Variants in ZNF600 observed in about 807,000 individuals in gnomAD.
ZNF600 encodes the protein zinc finger protein 600, also known as zinc finger protein KR-ZNF1.
Under a neutral mutation model 7.3 loss-of-function variants are expected in ZNF600, and 4 were observed. The observed-to-expected ratio is 0.55, with a 90% confidence interval of 0.27 to 1.25. The LOEUF (loss-of-function observed/expected upper bound fraction) is 1.25. Ranked by LOEUF, ZNF600 falls within the 50% of genes most tolerant of loss-of-function variation. The probability of loss-of-function intolerance (pLI) is 0.12; values close to 1 mark genes in which losing one functional copy is unlikely to be tolerated. For synonymous variants in ZNF600, 290 were observed against 308.9 expected, an observed-to-expected ratio of 0.94 and a Z score of 0.64; for missense variants, 911 against 922.1, an observed-to-expected ratio of 0.99 and a Z score of 0.16.
the ZNF600 span, among the ~76,000 whole-genome samples, chr19:52,792,832 A>C: frequency 6.6e-6 from 1 of 151,274 alleles, no homozygotes; most frequent in Non-Finnish European, 1.5e-5. Flanking sequence ...TCCCAGCTTC[A>C]TGCCATTCTC....
the ZNF600 span, among the ~76,000 whole-genome samples, chr19:52,795,350 T>C: frequency 6.6e-6 from 1 of 152,224 alleles, no homozygotes; most frequent in Admixed American, 6.5e-5. Context: ...TACCAGAAAA[T>C]GTTTCCAATA....
chr19:52,808,228 A>G, the ZNF600 span: 2 of 1,555,534 alleles, frequency 1.3e-6, no homozygotes, highest in Non-Finnish European at 1.7e-6. Flanking sequence ...ATTTAGTTGT[A>G]GTGAATGTTC....
chr19:52,822,838 C>T, the ZNF600 span, among the ~76,000 whole-genome samples: 6 of 152,084 alleles, frequency 3.9e-5, no homozygotes, highest in Non-Finnish European at 7.4e-5. Context: ...CAGAAACTGA[C>T]GTCAGCAGTA....
chr19:52,766,705 TTC>T lies in ZNF600; in HGVS notation c.1256_1257del (p.Arg419AsnfsTer11), dbSNP rs1401345419. 6.2e-7 allele frequency: 1 copy of T among 1,612,426 alleles called. No individual in the cohort carries two copies. Among genetic ancestry groups the T allele is most frequent in the Non-Finnish European group, 8.5e-7 (1 of 1,179,574 alleles). ...TTGTAAGTTTTCTCTCCAGTGTGAA[TTC>T]TTTTATGTCTTGCCAGCTGAGAATT... On this transcript the variant is annotated frameshift_variant, in exon 4 of 4. Coordinates refer to ENST00000648973, the Ensembl canonical transcript of ZNF600. LOFTEE classifies it low-confidence loss of function (END_TRUNC).
At chr19:52,770,469 A>C (rs2062621927) in intron 3 of ZNF600, among the ~76,000 whole-genome samples, 1 of 152,216 alleles carries the variant, frequency 6.6e-6, no homozygotes, top group Non-Finnish European at 1.5e-5. Flanking sequence ...ATTGACTAAT[A>C]GTGTAGAAAA....
exon 4 of ZNF600, chr19:52,764,744 C>A (rs2062555179): frequency 6.5e-6 from 1 of 154,656 alleles, no homozygotes; most frequent in African/African-American, 2.4e-5. Context: ...GTCTCGATCT[C>A]CTGACCTTGT....
chr19:52,789,898 C>A (rs1335958949), upstream of ZNF600, among the ~76,000 whole-genome samples: 2 of 151,374 alleles, frequency 1.3e-5, no homozygotes, highest in Admixed American at 6.6e-5. Context: ...GGGGTGGGGC[C>A]GTTTTATAAG....
At chr19:52,810,492 C>T in the ZNF600 span, 11 of 1,584,520 alleles carry the variant, frequency 6.9e-6, no homozygotes, top group South Asian at 9.9e-5. Context: ...TTGGATGAGT[C>T]CCTATTTAGA....
At chr19:52,809,032 G>C in the ZNF600 span, among the ~76,000 whole-genome samples, 1 of 152,190 alleles carries the variant, frequency 6.6e-6, no homozygotes, top group Non-Finnish European at 1.5e-5. Flanking sequence ...GTGCATGTGT[G>C]TGGGGATATA....
At chr19:52,790,872 G>C (rs968329980), upstream of ZNF600, among the ~76,000 whole-genome samples, 1 of 151,788 alleles carries the variant, frequency 6.6e-6, no homozygotes, top group Non-Finnish European at 1.5e-5. Flanking sequence ...GTAGAGATGA[G>C]GTTTCACCAT....
At chr19:52,792,772 G>A in the ZNF600 span, among the ~76,000 whole-genome samples, 9 of 151,038 alleles carry the variant, frequency 6.0e-5, no homozygotes, top group Non-Finnish European at 1.0e-4. Context: ...TCACTCTGTC[G>A]CCCAGGCTGG....
At chr19:52,811,407 G>T in the ZNF600 span, among the ~76,000 whole-genome samples, 10 of 147,006 alleles carry the variant, frequency 6.8e-5, 3 homozygotes, top group African/African-American at 2.4e-4. Flanking sequence ...GGAAAGTGAG[G>T]AGCGTCTCTG....
the ZNF600 span, chr19:52,810,593 C>T: frequency 7.1e-6 from 11 of 1,558,588 alleles, no homozygotes; most frequent in East Asian, 1.1e-4. Flanking sequence ...CTACCGCGCC[C>T]GACCACCAAC....
chr19:52,810,793 A>T, the ZNF600 span: 2 of 470,628 alleles, frequency 4.2e-6, no homozygotes, highest in East Asian at 7.1e-5. Context: ...AAAAAACAGA[A>T]GATGACCTTG....
the ZNF600 span, among the ~76,000 whole-genome samples, chr19:52,792,477 C>A: frequency 6.6e-6 from 1 of 152,076 alleles, no homozygotes; most frequent in Non-Finnish European, 1.5e-5. Flanking sequence ...AATCCCAGCA[C>A]TGTGGGAGGC....
chr19:52,828,340 C>T, the ZNF600 span, among the ~76,000 whole-genome samples: 1 of 152,132 alleles, frequency 6.6e-6, no homozygotes, highest in African/African-American at 2.4e-5. Context: ...GCATGAGGCA[C>T]TGCACCCGGT....
chr19:52,820,548 A>ACT, the ZNF600 span, among the ~76,000 whole-genome samples: 1,082 of 151,588 alleles, frequency 7.1e-3, 12 homozygotes, highest in African/African-American at 0.025. Context: ...CCCTGGACCC[A>ACT]GTCTGGCACC....
chr19:52,768,664 T>G (rs112347684), intron 3 of ZNF600, among the ~76,000 whole-genome samples: 7,918 of 151,928 alleles, frequency 0.052, 705 homozygotes, highest in African/African-American at 0.18. Context: ...TCCTGCCTCA[T>G]CCTCCTGAGT....
the ZNF600 span, among the ~76,000 whole-genome samples, chr19:52,792,514 C>G: frequency 2.0e-5 from 3 of 151,996 alleles, no homozygotes; most frequent in Non-Finnish European, 4.4e-5. Flanking sequence ...GATCGTGCCA[C>G]TGCACTCCAG....
Sources: allele counts gnomAD v4.1 joint callset (sites outside exome capture counted in the v4.1 genomes callset), GRCh38; gene constraint gnomAD v4.1.1; transcripts MANE v1.5; gene names NCBI Gene and HGNC (gene_info 2026-07-23, HGNC 2026-07-21).